The following PPP1R12B variants were observed in gnomAD, a reference collection of about 807,000 sequenced individuals.
The protein encoded by PPP1R12B is myosin phosphatase target subunit 2.
PPP1R12B carries 76 observed loss-of-function variants against 126.1 expected under a neutral mutation model. That is an observed-to-expected ratio of 0.60 (90% CI 0.50 to 0.73). The LOEUF is 0.73. PPP1R12B is among the 30% of genes least tolerant of loss of function. The pLI, the probability that PPP1R12B is intolerant of heterozygous loss-of-function variation, is 0.00. For synonymous variants in PPP1R12B, 356 were observed against 434.7 expected (o/e 0.82, Z 2.25); for missense variants, 1,052 against 1,205.1 (o/e 0.87, Z 1.88).
intron 18 of PPP1R12B, among the ~76,000 whole-genome samples, chr1:202,546,727 T>G (rs1055953535): frequency 1.3e-5 from 2 of 152,174 alleles, no homozygotes; most frequent in African/African-American, 4.8e-5. Flanking sequence ...GACATTCAGA[T>G]AGTGATTTCC....
chr1:202,382,096 A>G lies in PPP1R12B; in HGVS notation c.291+32954A>G, dbSNP rs111625495. ...CACCATGGAATACTATGCAGCCATA[A>G]AAAATGATGAGTTCATGTCCTTTGT... On this transcript the variant is annotated intron_variant, in intron 1 of 23. Coordinates refer to ENST00000608999, the MANE Select transcript of PPP1R12B (RefSeq NM_002481.4). Among the ~76,000 whole-genome samples the G allele has an allele frequency of 9.8e-3, 1,487 of 152,280 alleles. 24 individuals carry two copies. Among genetic ancestry groups the G allele is most frequent in the African/African-American group, 0.034 (1,401 of 41,546 alleles).
At position 202,414,688 on chromosome 1, in the gene PPP1R12B, G is replaced by A. The variant is rs562526702; in HGVS notation, c.292-2099G>A. ...CAAGTCCGAATAATCATAATTTGTT[G>A]GTTATTCTTTTGAATAAAAGTGGTG... On this transcript the variant is annotated intron_variant, in intron 1 of 23. Transcript: ENST00000608999. Among the ~76,000 whole-genome samples the A allele has an allele frequency of 2.0e-5, 3 of 152,216 alleles. No homozygotes were observed. In the South Asian group the frequency reaches 6.2e-4, roughly 32 times the overall value.
chr1:202,419,847 G>A lies in PPP1R12B; in HGVS notation c.423-2773G>A, dbSNP rs747007585. ...TTTATTTTACCAAGGTTAAAGATGCGCACCCAGGAAACAGATCTGTGCCTT... is the reference window on the plus strand; with the variant it reads ...TTTATTTTACCAAGGTTAAAGATGCACACCCAGGAAACAGATCTGTGCCTT... On this transcript the variant is annotated intron_variant, in intron 2 of 23. Coordinates refer to ENST00000608999, the MANE Select transcript of PPP1R12B (RefSeq NM_002481.4). This position sits in a 1 kb window ranked among gnomAD's most constrained non-coding sequence, Gnocchi z 4.6. 4.6e-5 allele frequency among the ~76,000 whole-genome samples: 7 copies of A among 152,132 alleles called. No individual in the cohort carries two copies. Among genetic ancestry groups the A allele is most frequent in the South Asian group, 2.1e-4 (1 of 4,820 alleles).
intron 1 of PPP1R12B, among the ~76,000 whole-genome samples, chr1:202,408,923 C>T (rs1311791602): frequency 1.3e-5 from 2 of 150,654 alleles, no homozygotes; most frequent in Non-Finnish European, 3.0e-5. Context: ...CTGGAACCTC[C>T]ACCTCCCAGG....
intron 18 of PPP1R12B, among the ~76,000 whole-genome samples, chr1:202,527,870 G>A (rs972318102): frequency 6.6e-6 from 1 of 152,168 alleles, no homozygotes; most frequent in Non-Finnish European, 1.5e-5. Context: ...ACAACAAAAA[G>A]AGGCTAAGAA....
intron 18 of PPP1R12B, among the ~76,000 whole-genome samples, chr1:202,534,453 A>G (rs1684315760): frequency 6.6e-6 from 1 of 152,176 alleles, no homozygotes; most frequent in Non-Finnish European, 1.5e-5. Flanking sequence ...AAAGACATAC[A>G]TATGGATGCA....
intron 9 of PPP1R12B, among the ~76,000 whole-genome samples, chr1:202,435,932 G>A (rs1444681885): frequency 1.3e-5 from 2 of 152,108 alleles, no homozygotes; most frequent in Non-Finnish European, 2.9e-5. Context: ...CTGCTTCTAA[G>A]GATGCCTAGA....
At chr1:202,475,510 A>G (rs1214002388) in intron 13 of PPP1R12B, among the ~76,000 whole-genome samples, 3 of 152,212 alleles carry the variant, frequency 2.0e-5, no homozygotes, top group South Asian at 4.1e-4. Flanking sequence ...ACATAAATCT[A>G]CATAGCTAGA....
At chr1:202,378,096 C>T (rs1661551956) in intron 1 of PPP1R12B, among the ~76,000 whole-genome samples, 1 of 151,960 alleles carries the variant, frequency 6.6e-6, no homozygotes, top group African/African-American at 2.4e-5. Context: ...CCTCAGCCTC[C>T]CAAAGTACTG....
intron 1 of PPP1R12B, among the ~76,000 whole-genome samples, chr1:202,385,993 G>A (rs1371281624): frequency 6.6e-6 from 1 of 151,752 alleles, no homozygotes; most frequent in Non-Finnish European, 1.5e-5. Flanking sequence ...GAGTGCAGTG[G>A]CACGATCTTG....
rs1679130534 is a variant in PPP1R12B at position 202,493,290 on chromosome 1, G to A, written c.2118G>A (p.Gln706=). Residue 706 remains glutamine, a synonymous_variant, in exon 15 of 24, where the codon CAG becomes CAA. Coordinates refer to ENST00000608999, the MANE Select transcript of PPP1R12B (RefSeq NM_002481.4). ...VPATEAGEGQ[Q]PWGRSLDEEP... ...CAACAGAAGCTGGGGAGGGCCAGCA[G>A]CCCTGGGGCAGGAGTCTGGATGAAG... is the stretch of plus-strand genomic sequence containing the variant. 6.2e-7 allele frequency: 1 copy of A among 1,612,404 alleles called. No homozygotes were observed. Among genetic ancestry groups the A allele is most frequent in the Non-Finnish European group, 8.5e-7 (1 of 1,179,798 alleles).
In PPP1R12B at chr1:202,582,336, GT is replaced by G. The variant is rs1689591655; in HGVS notation, c.*1778del. 1 of 152,610 alleles carries G rather than the reference GT, an allele frequency of 6.6e-6. No homozygotes were observed. Among genetic ancestry groups the G allele is most frequent in the African/African-American group, 2.4e-5 (1 of 41,444 alleles). 9.5% of individuals were successfully genotyped at this position (152,610 alleles called of 1,614,324 possible). ...AATCCAGTGCAAAATTAAACCATTA[GT>G]TCTTGATGATAACCTAGCATTAATA... is the stretch of plus-strand genomic sequence containing the variant. On this transcript the variant is annotated 3_prime_UTR_variant, in exon 24 of 24. Transcript: ENST00000608999.
rs1655380636 is a variant in PPP1R12B, at chr1:202,348,808, A to G, written c.-44A>G. The G allele has an allele frequency of 3.2e-6, 5 of 1,577,142 alleles. No individual in the cohort carries two copies. In the South Asian group the frequency reaches 3.5e-5, roughly 11 times the overall value. On this transcript the variant is annotated 5_prime_UTR_variant, in exon 1 of 24. Transcript: ENST00000608999. ...AGCGGCAACTCGAGCCCCAACAGTA[A>G]TTTAGTGTTGGTAGTTTTGGCAGCA...
intron 10 of PPP1R12B, chr1:202,439,619 C>T: frequency 2.2e-6 from 2 of 928,776 alleles, no homozygotes; most frequent in Non-Finnish European, 3.4e-6. Context: ...CTGCCCTGTG[C>T]TCCATAACTC....
At chr1:202,578,351 G>A (rs371228328) in intron 23 of PPP1R12B, among the ~76,000 whole-genome samples, 23 of 152,214 alleles carry the variant, frequency 1.5e-4, no homozygotes, top group Non-Finnish European at 2.6e-4. Flanking sequence ...TGTGGCTTTC[G>A]TCTCACTTAT....
intron 1 of PPP1R12B, among the ~76,000 whole-genome samples, chr1:202,391,178 TTAATAA>T (rs1362360729): frequency 6.6e-6 from 1 of 150,610 alleles, no homozygotes; most frequent in African/African-American, 2.4e-5. Context: ...AATAAATAAC[TTAATAA>T]TAAGAAAAAA....
At position 202,582,899 on chromosome 1, in the gene PPP1R12B, TAATA is replaced by T. The variant is rs1283024777; in HGVS notation, c.*2350_*2353del. On this transcript the variant is annotated 3_prime_UTR_variant, in exon 24 of 24. Transcript: ENST00000608999. ...GACTCCATCTCAAAAAAAATAATAA[TAATA>T]AATAAATAAAAAATCCCAATTACAG... 6.6e-6 allele frequency: 1 copy of T among 151,838 alleles called. No homozygotes were observed. The highest frequency in any genetic ancestry group is 1.5e-5 in the Non-Finnish European group (1 of 67,972). The allele number at this position is 151,838 out of a possible 1,614,324, so 9.4% of individuals were successfully genotyped here.
chr1:202,549,456 G>A (rs1686078387), intron 18 of PPP1R12B, among the ~76,000 whole-genome samples: 2 of 134,978 alleles, frequency 1.5e-5, no homozygotes, highest in Admixed American at 8.3e-5. Flanking sequence ...GTCTCGCTCT[G>A]TTGCCCAGGC....
Position 202,431,495 on chromosome 1 carries a change from C to G in PPP1R12B, c.1017C>G (p.Leu339=), listed in dbSNP as rs770441330. The change falls in exon 8 of 24, where the codon CTC becomes CTG. Residue 339 remains leucine, a synonymous_variant. Coordinates refer to ENST00000608999, the MANE Select transcript of PPP1R12B (RefSeq NM_002481.4). ...TTTAATTTAGCAAAGAGAAGATGCT[C>G]TATGAGGAGGAGACACCTAAGTCCC... ...SGFFKNKEKM[L]YEEETPKSQE... is the part of the protein sequence containing the mutation. 5.1e-5 allele frequency: 81 copies of G among 1,603,942 alleles called. No individual in the cohort carries two copies. Among genetic ancestry groups the G allele is most frequent in the Non-Finnish European group, 6.6e-5 (78 of 1,176,804 alleles).
Sources: allele counts gnomAD v4.1 joint callset (sites outside exome capture counted in the v4.1 genomes callset), GRCh38; gene constraint gnomAD v4.1.1; non-coding constraint Gnocchi (gnomAD v3.1); transcripts MANE v1.5; gene names NCBI Gene and HGNC (gene_info 2026-07-23, HGNC 2026-07-21).